SLC12A6: variants seen among roughly 807,000 people sequenced by gnomAD.
The protein encoded by SLC12A6 is K-Cl cotransporter 3.
A neutral mutation model predicts 135.3 loss-of-function variants in SLC12A6; 66 were observed. That is an observed-to-expected ratio of 0.49 (90% CI 0.40 to 0.60). The LOEUF (loss-of-function observed/expected upper bound fraction) is 0.60, where lower values mean the gene tolerates loss of function less well. SLC12A6 is among the 20% of genes least tolerant of loss of function. The probability of loss-of-function intolerance (pLI) is 0.00; values close to 1 mark genes in which losing one functional copy is unlikely to be tolerated. For synonymous variants in SLC12A6, 513 were observed against 508.8 expected (o/e 1.01, Z -0.11); for missense variants, 1,058 against 1,452.3 (o/e 0.73, Z 4.41).
At chr15:34,297,148 T>C (rs1455550151) in intron 2 of SLC12A6, among the ~76,000 whole-genome samples, 1 of 152,188 alleles carries the variant, frequency 6.6e-6, no homozygotes, top group Non-Finnish European at 1.5e-5. Context: ...TCTCTTCAAA[T>C]GTTGCTAATC....
At chr15:34,238,777 T>C in intron 20 of SLC12A6, 188 bp downstream of exon 20, 1 of 685,712 alleles carries the variant, frequency 1.5e-6, no homozygotes, top group Non-Finnish European at 2.6e-6. Flanking sequence ...AAATAATTCA[T>C]GAACATAATG....
intron 13 of SLC12A6, among the ~76,000 whole-genome samples, chr15:34,247,989 G>GCCA (rs1404501885): frequency 3.3e-5 from 5 of 152,168 alleles, no homozygotes; most frequent in Admixed American, 6.5e-5. Context: ...ACAGGCATGA[G>GCCA]CCACCATACC....
chr15:34,319,260 C>A (rs1009108152), intron 2 of SLC12A6, among the ~76,000 whole-genome samples: 1 of 151,538 alleles, frequency 6.6e-6, no homozygotes, highest in Non-Finnish European at 1.5e-5. Context: ...CTCAGCCTCA[C>A]GAGTAGCTGG....
chr15:34,235,335 G>T lies in SLC12A6; in HGVS notation c.3228-21C>A, dbSNP rs1347270491. The T allele has an allele frequency of 3.7e-6, 6 of 1,609,028 alleles. No individual in the cohort carries two copies. In the Admixed American group the frequency reaches 5.0e-5, roughly 13 times the overall value. ...GGTCCCTGAGTGGGGAAGAAATAAA[G>T]GTTGTTAAGGTAAAAAGACAACTAG... is the stretch of plus-strand genomic sequence containing the variant. On this transcript the variant is annotated intron_variant, in intron 24 of 25. Coordinates refer to ENST00000354181, the MANE Select transcript of SLC12A6 (RefSeq NM_001365088.1).
intron 2 of SLC12A6, among the ~76,000 whole-genome samples, chr15:34,280,140 A>C (rs1894578187): frequency 1.3e-5 from 2 of 152,202 alleles, no homozygotes; most frequent in African/African-American, 4.8e-5. Context: ...ATTTTGAACA[A>C]AATTTCCTTT....
At chr15:34,240,582 A>C (rs2140662209) in intron 19 of SLC12A6, 79 bp downstream of exon 19, 2 of 1,209,096 alleles carry the variant, frequency 1.7e-6, no homozygotes, top group Non-Finnish European at 1.2e-6. Context: ...ACAAGATTCA[A>C]GTAGAAGTTT....
intron 3 of SLC12A6, among the ~76,000 whole-genome samples, chr15:34,263,508 A>G (rs970515393): frequency 2.0e-5 from 3 of 152,200 alleles, no homozygotes; most frequent in Non-Finnish European, 2.9e-5. Flanking sequence ...TAATGTTAAA[A>G]GAGGCATCTG....
chr15:34,249,958 A>G (rs572746718), intron 13 of SLC12A6, among the ~76,000 whole-genome samples: 1 of 152,330 alleles, frequency 6.6e-6, no homozygotes, highest in African/African-American at 2.4e-5. Flanking sequence ...AGGCTGGAGT[A>G]CGGTGGCACA....
At chr15:34,285,706 G>T (rs1242306325) in intron 2 of SLC12A6, among the ~76,000 whole-genome samples, 1 of 520 alleles carries the variant, frequency 1.9e-3, no homozygotes, top group African/African-American at 8.8e-3. Flanking sequence ...GTGTGTGTGT[G>T]TGTGTGTTTG....
chr15:34,310,918 C>A (rs1243539636), intron 2 of SLC12A6, among the ~76,000 whole-genome samples: 1 of 151,900 alleles, frequency 6.6e-6, no homozygotes, highest in African/African-American at 2.4e-5. Context: ...CCAAGCCCAG[C>A]CAAATCACCT....
At chr15:34,336,273 CT>C in intron 2 of SLC12A6, 136 bp downstream of exon 2, 1 of 765,278 alleles carries the variant, frequency 1.3e-6, no homozygotes, top group South Asian at 1.5e-5. Context: ...TCCTAAGCAT[CT>C]CACAAAGAGA....
intron 2 of SLC12A6, among the ~76,000 whole-genome samples, chr15:34,330,574 TGGA>T (rs966586946): frequency 2.6e-4 from 40 of 151,470 alleles, no homozygotes; most frequent in African/African-American, 9.7e-4. Context: ...GAGGCTGAGG[TGGA>T]GGACTGCTTG....
intron 9 of SLC12A6, 66 bp downstream of exon 9, chr15:34,254,282 T>C: frequency 6.8e-7 from 1 of 1,476,308 alleles, no homozygotes; most frequent in Non-Finnish European, 9.4e-7. Flanking sequence ...CTTAAAATTA[T>C]CACACCACCA....
intron 2 of SLC12A6, among the ~76,000 whole-genome samples, chr15:34,332,768 G>A (rs558131573): frequency 4.0e-5 from 6 of 151,144 alleles, no homozygotes; most frequent in South Asian, 2.1e-4. Context: ...GGGCGACAGC[G>A]CGAGACTTTG....
chr15:34,258,495 T>C (rs1021230272), intron 5 of SLC12A6, among the ~76,000 whole-genome samples: 5 of 152,208 alleles, frequency 3.3e-5, no homozygotes, highest in Non-Finnish European at 7.3e-5. Context: ...CCTATGTAAG[T>C]AGCAACGCCC....
chr15:34,251,080 T>C, intron 10 of SLC12A6, 23 bp from the exon 11 acceptor site: 1 of 1,542,920 alleles, frequency 6.5e-7, no homozygotes, highest in Non-Finnish European at 8.9e-7. Context: ...AAATGGGAAT[T>C]TAAGCAGCAG....
chr15:34,319,046 A>C (rs967073205), intron 2 of SLC12A6, among the ~76,000 whole-genome samples: 1 of 151,590 alleles, frequency 6.6e-6, no homozygotes, highest in Non-Finnish European at 1.5e-5. Context: ...TATTTCCTTC[A>C]CTGAAGTTGT....
At chr15:34,275,203 G>GA in intron 3 of SLC12A6, 142 bp downstream of exon 3, 1 of 558,810 alleles carries the variant, frequency 1.8e-6, no homozygotes, top group Non-Finnish European at 3.2e-6. Flanking sequence ...GTTGGGAATA[G>GA]AAACAGCAGG....
At chr15:34,265,090 G>A (rs939698705) in intron 3 of SLC12A6, among the ~76,000 whole-genome samples, 1 of 152,182 alleles carries the variant, frequency 6.6e-6, no homozygotes. Flanking sequence ...CCAGCTACTT[G>A]GGAGGCTGAG....
Sources: gnomAD v4.1 joint callset for allele counts (sites outside exome capture counted in the v4.1 genomes callset) on GRCh38, gnomAD v4.1.1 for gene constraint, MANE v1.5 for transcripts, NCBI Gene and HGNC (gene_info 2026-07-23, HGNC 2026-07-21) for gene names.